The following NCAM1 variants were observed in gnomAD, a reference collection of about 807,000 sequenced individuals.
NCAM1 encodes the protein neural cell adhesion molecule 1, also known as antigen recognized by monoclonal antibody 5.1H11.
NCAM1 carries 14 observed loss-of-function variants against 109.8 expected under a neutral mutation model. The observed-to-expected ratio is 0.13, with a 90% CI of 0.08 to 0.20. The LOEUF (loss-of-function observed/expected upper bound fraction) is 0.20, where lower values mean the gene tolerates loss of function less well. NCAM1 is among the 10% of genes least tolerant of loss of function. The probability of loss-of-function intolerance (pLI) is 1.00; values close to 1 mark genes in which losing one functional copy is unlikely to be tolerated. For missense variants in NCAM1, 774 were observed against 1,109.9 expected, an observed-to-expected ratio of 0.70 and a Z score of 4.30; for synonymous variants, 418 against 442.9, an observed-to-expected ratio of 0.94 and a Z score of 0.70.
chr11:113,221,088 T>C (rs1357789857), intron 8 of NCAM1, among the ~76,000 whole-genome samples: 9 of 152,206 alleles, frequency 5.9e-5, no homozygotes, highest in Admixed American at 3.9e-4. Context: ...TACATTTTAA[T>C]GTGCCTAAGG....
intron 1 of NCAM1, among the ~76,000 whole-genome samples, chr11:113,141,455 C>T (rs1424227711): frequency 6.6e-6 from 1 of 152,106 alleles, no homozygotes; most frequent in Non-Finnish European, 1.5e-5. Context: ...CACGGTGAAA[C>T]CCTGTCTCTA....
intron 1 of NCAM1, among the ~76,000 whole-genome samples, chr11:113,194,265 C>T (rs782301702): frequency 6.6e-6 from 1 of 152,098 alleles, no homozygotes; most frequent in Non-Finnish European, 1.5e-5. Flanking sequence ...ATCTTTTCTT[C>T]CTGACTGTAA....
rs185485072 is a variant in NCAM1 at position 113,157,023 on chromosome 11, G to T, written c.53-45356G>T. ...AGGACAGTCATGGTTTACACATGTT[G>T]TTCCAGCATAATTATTTTAATTGTA... On this transcript the variant is annotated intron_variant, in intron 1 of 19. Coordinates refer to ENST00000316851, the MANE Select transcript of NCAM1 (RefSeq NM_181351.5). Among the ~76,000 whole-genome samples the T allele has an allele frequency of 7.2e-5, 11 of 152,192 alleles. No homozygotes were observed. In the East Asian group the frequency reaches 2.1e-3, roughly 29 times the overall value.
intron 1 of NCAM1, among the ~76,000 whole-genome samples, chr11:113,152,437 T>C (rs1177367838): frequency 6.6e-6 from 1 of 152,262 alleles, no homozygotes; most frequent in African/African-American, 2.4e-5. Context: ...AACAAATCAG[T>C]GTAATATGCT....
At chr11:113,011,979 C>CCTTT (rs1952072245) in intron 1 of NCAM1, among the ~76,000 whole-genome samples, 1 of 142,820 alleles carries the variant, frequency 7.0e-6, no homozygotes, top group South Asian at 2.3e-4. Flanking sequence ...TTCCTTCCTT[C>CCTTT]CTTCCTTCCT....
chr11:113,237,941 T>TATAG (rs1555118616), intron 14 of NCAM1, among the ~76,000 whole-genome samples: 3 of 21,440 alleles, frequency 1.4e-4, no homozygotes, highest in Non-Finnish European at 3.6e-4. Flanking sequence ...TATATAGATA[T>TATAG]ATATATAGAT....
In NCAM1 at chr11:113,063,426, A is replaced by G. The variant is rs147863045; in HGVS notation, c.52+101762A>G. 2.0e-5 allele frequency among the ~76,000 whole-genome samples: 3 copies of G among 152,324 alleles called. No homozygotes were observed. In the East Asian group the frequency reaches 5.8e-4, roughly 29 times the overall value. On this transcript the variant is annotated intron_variant, in intron 1 of 19. Transcript: ENST00000316851. ...CTTATGCTCAGAAGTCTCCATGACC[A>G]GAAGTCTCCACTGACATTCCACCCA...
intron 1 of NCAM1, among the ~76,000 whole-genome samples, chr11:113,190,806 G>A (rs544758477): frequency 2.6e-5 from 4 of 152,116 alleles, no homozygotes; most frequent in Non-Finnish European, 5.9e-5. Flanking sequence ...CAGTGGTTGT[G>A]GGGGTGGGGA....
At position 113,204,296 on chromosome 11, in the gene NCAM1, T is replaced by C. The variant is rs782583259; in HGVS notation, c.138T>C (p.Asp46=). ...TCTCTTCCTCTTTAGTGGCAGGAGA[T>C]GCCAAAGATAAAGACATCTCCTGGT... ...SKFFLCQVAG[D]AKDKDISWFS... Residue 46 remains aspartate (D), a synonymous_variant, in exon 3 of 20, where the codon GAT becomes GAC. Coordinates refer to ENST00000316851, the MANE Select transcript of NCAM1 (RefSeq NM_181351.5). The C allele has an allele frequency of 6.2e-7, 1 of 1,610,600 alleles. No homozygotes were observed. The highest frequency in any genetic ancestry group is 1.1e-5 in the South Asian group (1 of 90,448).
At chr11:113,044,382 T>A (rs1268670191) in intron 1 of NCAM1, among the ~76,000 whole-genome samples, 2 of 152,128 alleles carry the variant, frequency 1.3e-5, no homozygotes, top group Non-Finnish European at 2.9e-5. Context: ...CACACATACA[T>A]GCTGTAAAAC....
At chr11:113,117,376 A>G (rs1404529092) in intron 1 of NCAM1, among the ~76,000 whole-genome samples, 1 of 151,976 alleles carries the variant, frequency 6.6e-6, no homozygotes, top group Non-Finnish European at 1.5e-5. Context: ...CACTGTTGTT[A>G]GTGAACAACG....
intron 1 of NCAM1, among the ~76,000 whole-genome samples, chr11:113,048,311 A>AGCAAGTTATTTTTAAC (rs1555081177): frequency 6.6e-6 from 1 of 152,260 alleles, no homozygotes; most frequent in African/African-American, 2.4e-5. Flanking sequence ...TTAGGTGGTT[A>AGCAAGTTATTTTTAAC]GCAAGTTATT....
chr11:113,260,072 G>T, intron 16 of NCAM1, 74 bp from the exon 17 acceptor site: 1 of 1,393,322 alleles, frequency 7.2e-7, no homozygotes, highest in Non-Finnish European at 9.7e-7. Context: ...TTTGCCTATT[G>T]TCTGGTCTTA....
chr11:113,158,912 T>G (rs747727414), intron 1 of NCAM1, among the ~76,000 whole-genome samples: 14 of 152,228 alleles, frequency 9.2e-5, no homozygotes, highest in Non-Finnish European at 1.9e-4. Context: ...ACTGTGTTTA[T>G]CTAAAACATC....
intron 1 of NCAM1, among the ~76,000 whole-genome samples, chr11:113,035,321 T>G (rs1952838508): frequency 6.6e-6 from 1 of 152,180 alleles, no homozygotes; most frequent in African/African-American, 2.4e-5. Context: ...CATCTCACCT[T>G]GAGATGAGAC....
intron 9 of NCAM1, among the ~76,000 whole-genome samples, chr11:113,226,798 A>G (rs1000377837): frequency 6.6e-6 from 1 of 152,208 alleles, no homozygotes; most frequent in Non-Finnish European, 1.5e-5. Flanking sequence ...GCTCAACTAC[A>G]TGGAAACTGA....
At position 113,068,715 on chromosome 11, in the gene NCAM1, G is replaced by A. The variant is rs182191221; in HGVS notation, c.52+107051G>A. On this transcript the variant is annotated intron_variant, in intron 1 of 19. Transcript: ENST00000316851. ...CATTCTACCAAAAGGATCTCATTTC[G>A]AAACCAGGCCCTGCTTGTGACTTTA... is the stretch of plus-strand genomic sequence containing the variant. Among the ~76,000 whole-genome samples the A allele has an allele frequency of 1.2e-3, 187 of 152,076 alleles. 1 individual carries two copies. The highest frequency in any genetic ancestry group is 4.3e-3 in the African/African-American group (178 of 41,424).
At chr11:113,199,283 G>T (rs1555111404) in intron 1 of NCAM1, among the ~76,000 whole-genome samples, 1 of 152,182 alleles carries the variant, frequency 6.6e-6, no homozygotes, top group African/African-American at 2.4e-5. Flanking sequence ...GTAGGAATTT[G>T]TATTGGGAAC....
intron 1 of NCAM1, among the ~76,000 whole-genome samples, chr11:113,067,560 A>G (rs1246200412): frequency 1.3e-5 from 2 of 152,224 alleles, no homozygotes; most frequent in African/African-American, 4.8e-5. Context: ...CATTTGACTC[A>G]CGAATATTGT....
Sources: allele counts gnomAD v4.1 joint callset (sites outside exome capture counted in the v4.1 genomes callset), GRCh38; gene constraint gnomAD v4.1.1; transcripts MANE v1.5; gene names NCBI Gene and HGNC (gene_info 2026-07-23, HGNC 2026-07-21).